The following TRUB1 variants were observed in gnomAD, a reference collection of about 807,000 sequenced individuals.
TRUB1 encodes the protein TruB pseudouridine synthase family member 1, also known as pseudouridylate synthase TRUB1.
Under a neutral mutation model 33.9 loss-of-function variants are expected in TRUB1, and 23 were observed. The observed-to-expected ratio is 0.68, with a 90% CI of 0.49 to 0.96. TRUB1 has a LOEUF of 0.96. TRUB1 is among the 40% of genes least tolerant of loss of function. The pLI, the probability that TRUB1 is intolerant of heterozygous loss-of-function variation, is 0.00. For missense variants in TRUB1, 378 were observed against 422.2 expected, an observed-to-expected ratio of 0.90 and a Z score of 0.92; for synonymous variants, 163 against 165.4, an observed-to-expected ratio of 0.99 and a Z score of 0.11.
At chr10:114,951,645 C>G (rs2084235675) in intron 3 of TRUB1, among the ~76,000 whole-genome samples, 1 of 152,138 alleles carries the variant, frequency 6.6e-6, no homozygotes, top group Admixed American at 6.5e-5. Flanking sequence ...AAGCACTTTT[C>G]CAGGCACTTG....
In TRUB1 at chr10:114,977,639, G is replaced by C. The variant is rs561412799; in HGVS notation, c.*2260G>C. 1 of 151,734 alleles carries C rather than the reference G, an allele frequency of 6.6e-6. No individual in the cohort carries two copies. Among genetic ancestry groups the C allele is most frequent in the Admixed American group, 6.6e-5 (1 of 15,220 alleles). The allele number at this position is 151,734 out of a possible 1,614,324, so 9.4% of individuals were successfully genotyped here. A position where few individuals can be genotyped will look rare whatever the true frequency, so the allele number is the denominator to read the frequency against. On this transcript the variant is annotated 3_prime_UTR_variant, in exon 8 of 8. Transcript: ENST00000298746. Reference sequence around the variant, plus strand: ...TTTATGTGATTTATCTGTATACTTTGTTCATTTATATAAATAAATGTCTTA... The same window carrying C: ...TTTATGTGATTTATCTGTATACTTTCTTCATTTATATAAATAAATGTCTTA...
chr10:114,939,262 G>A lies in TRUB1; in HGVS notation c.286+723G>A, dbSNP rs148244313. Among the ~76,000 whole-genome samples, 658 of 152,298 alleles carry A rather than the reference G, an allele frequency of 4.3e-3. 5 individuals are homozygous for A. The highest frequency in any genetic ancestry group is 0.017 in the Middle Eastern group (5 of 294). On this transcript the variant is annotated intron_variant, in intron 1 of 7. Transcript: ENST00000298746. ...GAGAATCACCCCGTTAATCAGCTCG[G>A]ATGATTTCACACATAAAGCATCCAG...
intron 4 of TRUB1, chr10:114,969,425 C>A: frequency 7.0e-6 from 1 of 142,466 alleles, no homozygotes; most frequent in African/African-American, 2.8e-5. Context: ...AGATTGAGAC[C>A]TGTCTCAAAA....
At chr10:114,972,310 G>A (rs779371829) in intron 6 of TRUB1, 36 bp downstream of exon 6, 11 of 1,561,610 alleles carry the variant, frequency 7.0e-6, no homozygotes, top group African/African-American at 2.8e-5. Context: ...TTGTATTTAC[G>A]TGTATTTTTA....
intron 3 of TRUB1, among the ~76,000 whole-genome samples, chr10:114,956,214 G>A (rs1234631741): frequency 1.3e-5 from 2 of 152,166 alleles, no homozygotes; most frequent in African/African-American, 4.8e-5. Flanking sequence ...GAGTACACAG[G>A]TCAATGGAAT....
intron 2 of TRUB1, 65 bp downstream of exon 2, chr10:114,942,808 A>C: frequency 9.6e-7 from 1 of 1,041,832 alleles, no homozygotes; most frequent in Non-Finnish European, 1.5e-6. Context: ...ACACTGGTTG[A>C]GAACAGATAG....
intron 5 of TRUB1, 94 bp downstream of exon 5, chr10:114,970,534 T>C (rs1174849077): frequency 2.1e-6 from 2 of 948,948 alleles, no homozygotes; most frequent in East Asian, 2.4e-5. Flanking sequence ...CCTCTTAGCA[T>C]ATGGCAAGGC....
intron 4 of TRUB1, among the ~76,000 whole-genome samples, chr10:114,963,723 A>G (rs1165021341): frequency 2.6e-5 from 4 of 152,172 alleles, no homozygotes; most frequent in Non-Finnish European, 4.4e-5. Flanking sequence ...ATTAAACACT[A>G]TGTGTCCTTT....
At chr10:114,968,282 G>A (rs1405812962) in intron 4 of TRUB1, among the ~76,000 whole-genome samples, 1 of 152,194 alleles carries the variant, frequency 6.6e-6, no homozygotes, top group Non-Finnish European at 1.5e-5. Flanking sequence ...GATGATATCA[G>A]CAAAAGAGGG....
chr10:114,960,082 C>T, intron 4 of TRUB1: 1 of 340,274 alleles, frequency 2.9e-6, no homozygotes, highest in Non-Finnish European at 5.3e-6. Context: ...GCATGTATGG[C>T]TAGGATTTAG....
At chr10:114,972,841 T>C (rs1281304604) in intron 6 of TRUB1, among the ~76,000 whole-genome samples, 4 of 152,298 alleles carry the variant, frequency 2.6e-5, no homozygotes, top group African/African-American at 7.2e-5. Context: ...ATTCAAGTTA[T>C]GAATTTTAAT....
In TRUB1 at chr10:114,975,532, A is replaced by G. The variant is rs2084356860; in HGVS notation, c.*153A>G. On this transcript the variant is annotated 3_prime_UTR_variant, in exon 8 of 8. Transcript: ENST00000298746. ...TCATTTACAGTTTCAATAGCACATA[A>G]TTTATTTTCTATGCATTATAAATGG... 2.7e-6 allele frequency: 2 copies of G among 727,730 alleles called. No homozygotes were observed. Among genetic ancestry groups the G allele is most frequent in the South Asian group, 5.5e-5 (2 of 36,144 alleles). 45.1% of individuals were successfully genotyped at this position (727,730 alleles called of 1,614,324 possible). A position where few individuals can be genotyped will look rare whatever the true frequency, so the allele number is the denominator to read the frequency against.
At chr10:114,943,804 C>G (rs116425734) in intron 2 of TRUB1, among the ~76,000 whole-genome samples, 158 of 152,138 alleles carry the variant, frequency 1.0e-3, no homozygotes, top group African/African-American at 3.8e-3. Context: ...CTTGGGGATT[C>G]CTGACAAGGT....
chr10:114,946,023 C>T, intron 2 of TRUB1, among the ~76,000 whole-genome samples: 1 of 152,186 alleles, frequency 6.6e-6, no homozygotes, highest in East Asian at 1.9e-4. Flanking sequence ...GGTGTTTAGT[C>T]ACAGAGTAAG....
chr10:114,964,249 TTAAG>T (rs1424585570), intron 4 of TRUB1, among the ~76,000 whole-genome samples: 2 of 152,202 alleles, frequency 1.3e-5, no homozygotes, highest in African/African-American at 2.4e-5. Flanking sequence ...TGGCACCTTA[TTAAG>T]TGTTTTTGGC....
chr10:114,964,030 A>G (rs1207168075), intron 4 of TRUB1, among the ~76,000 whole-genome samples: 1 of 152,116 alleles, frequency 6.6e-6, no homozygotes, highest in Non-Finnish European at 1.5e-5. Context: ...CCTGGGTTAT[A>G]GAGTGGGTGT....
At chr10:114,957,963 T>G (rs2084268543) in intron 3 of TRUB1, among the ~76,000 whole-genome samples, 2 of 152,220 alleles carry the variant, frequency 1.3e-5, no homozygotes, top group African/African-American at 2.4e-5. Flanking sequence ...TGTATTTTCT[T>G]TCTTAGAAAA....
intron 4 of TRUB1, among the ~76,000 whole-genome samples, chr10:114,963,849 T>C (rs2084294817): frequency 6.6e-6 from 1 of 152,198 alleles, no homozygotes; most frequent in African/African-American, 2.4e-5. Flanking sequence ...ACTACACACA[T>C]ACTCTCCCAG....
At chr10:114,942,494 A>G (rs1044301130) in intron 1 of TRUB1, 151 bp from the exon 2 acceptor site, 5 of 497,782 alleles carry the variant, frequency 1.0e-5, no homozygotes, top group Admixed American at 6.9e-5. Context: ...TTTCTTTGCT[A>G]GTAATGAGGT....
Sources: allele counts gnomAD v4.1 joint callset (sites outside exome capture counted in the v4.1 genomes callset), GRCh38; gene constraint gnomAD v4.1.1; transcripts MANE v1.5; gene names NCBI Gene and HGNC (gene_info 2026-07-23, HGNC 2026-07-21).